The following CEP41 variants were observed in gnomAD, a reference collection of about 807,000 sequenced individuals.
CEP41 encodes the protein centrosomal protein of 41 kDa.
Under a neutral mutation model 44.3 loss-of-function variants are expected in CEP41, and 32 were observed. That is an observed-to-expected ratio of 0.72 (90% CI 0.54 to 0.97). The LOEUF is 0.97. Ranked by LOEUF, CEP41 falls within the 50% of genes least tolerant of loss-of-function variation. The pLI is 0.00. For synonymous variants in CEP41, 151 were observed against 168.5 expected (o/e 0.90, Z 0.80); for missense variants, 432 against 455.2 (o/e 0.95, Z 0.46).
At chr7:130,431,349 A>G (rs1255349134) in intron 1 of CEP41, among the ~76,000 whole-genome samples, 1 of 152,196 alleles carries the variant, frequency 6.6e-6, no homozygotes, top group African/African-American at 2.4e-5. Flanking sequence ...AGACTTATTG[A>G]GCACCAACCA....
chr7:130,440,819 C>T, intron 1 of CEP41, 115 bp downstream of exon 1: 1 of 1,126,870 alleles, frequency 8.9e-7, no homozygotes, highest in Non-Finnish European at 1.3e-6. Context: ...CTCCTCACGC[C>T]GGCCCCTTCC....
intron 1 of CEP41, among the ~76,000 whole-genome samples, chr7:130,436,844 C>G (rs184285575): frequency 7.6e-4 from 116 of 152,112 alleles, no homozygotes; most frequent in African/African-American, 2.6e-3. Context: ...CAAGACCAGC[C>G]TGACCAACAT....
intron 9 of CEP41, 24 bp from the exon 10 acceptor site, chr7:130,400,278 A>G: frequency 6.4e-7 from 1 of 1,569,566 alleles, no homozygotes; most frequent in Non-Finnish European, 8.8e-7. Context: ...ATCATCAGAA[A>G]AAGCTGCATT....
rs782254159 is a variant in CEP41, at chr7:130,397,740, C to G, written c.*1151G>C. Reference sequence around the variant, plus strand: ...TGATTTCAGAGTTCCTCATCCTTACCTGAGGCCTTTTGTTCCCCCAATTAA... The same window carrying G: ...TGATTTCAGAGTTCCTCATCCTTACGTGAGGCCTTTTGTTCCCCCAATTAA... On this transcript the variant is annotated 3_prime_UTR_variant, in exon 11 of 11. Transcript: ENST00000223208. The G allele has an allele frequency of 2.2e-6, 1 of 452,764 alleles. No individual in the cohort carries two copies. The highest frequency in any genetic ancestry group is 1.6e-5 in the South Asian group (1 of 64,112). 28.0% of individuals were successfully genotyped at this position (452,764 alleles called of 1,614,324 possible).
intron 3 of CEP41, among the ~76,000 whole-genome samples, chr7:130,415,347 T>C (rs1193299569): frequency 2.6e-5 from 4 of 151,822 alleles, no homozygotes; most frequent in African/African-American, 9.7e-5. Flanking sequence ...CAACAGAAAA[T>C]GGGGAAAGAG....
At chr7:130,417,092 G>A in intron 2 of CEP41, 126 bp from the exon 3 acceptor site, 1 of 1,391,364 alleles carries the variant, frequency 7.2e-7, no homozygotes, top group Non-Finnish European at 9.9e-7. Flanking sequence ...ATTCTGGACA[G>A]CAGCAAACAG....
chr7:130,420,452 C>G (rs1308556531), intron 2 of CEP41: 4 of 151,386 alleles, frequency 2.6e-5, no homozygotes, highest in African/African-American at 9.7e-5. Context: ...CTGGCCAACA[C>G]AGTGAGAGCC....
intron 4 of CEP41, 85 bp from the exon 5 acceptor site, chr7:130,411,276 A>C: frequency 9.6e-7 from 1 of 1,037,506 alleles, no homozygotes; most frequent in Non-Finnish European, 1.5e-6. Flanking sequence ...ACGAGGGAAC[A>C]ACAAACATCA....
At chr7:130,436,677 T>C (rs190780854) in intron 1 of CEP41, among the ~76,000 whole-genome samples, 69 of 151,564 alleles carry the variant, frequency 4.6e-4, no homozygotes, top group Middle Eastern at 6.8e-3. Context: ...TGTGAATCTA[T>C]ACTTATTTTG....
chr7:130,417,308 C>T lies in CEP41; in HGVS notation c.98-342G>A, dbSNP rs6977392. 3.4e-4 allele frequency: 372 copies of T among 1,106,116 alleles called. No individual in the cohort carries two copies. The African/African-American group carries it at 5.6e-3, about 17-fold the overall frequency. 68.5% of individuals were successfully genotyped at this position (1,106,116 alleles called of 1,614,324 possible). A position where few individuals can be genotyped will look rare whatever the true frequency, so the allele number is the denominator to read the frequency against. ...CTTTTATCTCCCCTGCCCCCGCTGA[C>T]GATCTTTTTGTGGGGAAGATACACA... On this transcript the variant is annotated intron_variant, in intron 2 of 10. Coordinates refer to ENST00000223208, the MANE Select transcript of CEP41 (RefSeq NM_018718.3).
rs180766575 is a variant in CEP41, at chr7:130,414,137, G to C, written c.146-1897C>G. 2.6e-3 allele frequency among the ~76,000 whole-genome samples: 392 copies of C among 152,238 alleles called. 1 individual carries two copies. Among genetic ancestry groups the C allele is most frequent in the Non-Finnish European group, 3.6e-3 (245 of 68,014 alleles). On this transcript the variant is annotated intron_variant, in intron 3 of 10. Coordinates refer to ENST00000223208, the MANE Select transcript of CEP41 (RefSeq NM_018718.3). ...AACTAGCCTTCTGTAAATATATCAA[G>C]GCTTTTTAAAAATAGGGAATTAAAC...
Position 130,398,132 on chromosome 7 carries a change from A to AG in CEP41, c.*758dup. 1 of 454,006 alleles carries AG rather than the reference A, an allele frequency of 2.2e-6. No homozygotes were observed. Among genetic ancestry groups the AG allele is most frequent in the Non-Finnish European group, 4.4e-6 (1 of 226,696 alleles). The allele number at this position is 454,006 out of a possible 1,614,324, so 28.1% of individuals were successfully genotyped here. ...GTGAGGGCCGCTTTGGTGGGCTTCA[A>AG]GGGGCACAGGCCGGTGTGGTGGCCA... On this transcript the variant is annotated 3_prime_UTR_variant, in exon 11 of 11. Transcript: ENST00000223208.
At chr7:130,441,159 A>G (rs1200036587), upstream of CEP41, 3 of 711,190 alleles carry the variant, frequency 4.2e-6, no homozygotes, top group African/African-American at 1.7e-5. Flanking sequence ...ACGCCGCTCA[A>G]TGGTTGCCAA....
chr7:130,407,419 T>C (rs1489478155), intron 5 of CEP41, among the ~76,000 whole-genome samples: 1 of 152,018 alleles, frequency 6.6e-6, no homozygotes, highest in Non-Finnish European at 1.5e-5. Flanking sequence ...TATATGTATA[T>C]ACATACATAA....
Position 130,419,273 on chromosome 7 carries a change from A to G in CEP41, c.98-2307T>C, listed in dbSNP as rs1453766070. 4.1e-6 allele frequency: 4 copies of G among 985,352 alleles called. No homozygotes were observed. The African/African-American group carries it at 7.0e-5, about 17-fold the overall frequency. The allele number at this position is 985,352 out of a possible 1,614,324, so 61.0% of individuals were successfully genotyped here. A position where few individuals can be genotyped will look rare whatever the true frequency, so the allele number is the denominator to read the frequency against. On this transcript the variant is annotated intron_variant, in intron 2 of 10. Coordinates refer to ENST00000223208, the MANE Select transcript of CEP41 (RefSeq NM_018718.3). ...CATTCATTCTATCCAAGAATGGGGA[A>G]AAAAGGAGAATGGAGGATTTCTTCC...
intron 5 of CEP41, among the ~76,000 whole-genome samples, chr7:130,410,321 G>T (rs954615462): frequency 1.3e-5 from 2 of 152,004 alleles, no homozygotes; most frequent in Admixed American, 6.6e-5. Flanking sequence ...GGCACTGGGC[G>T]TGAGGCACCG....
intron 1 of CEP41, among the ~76,000 whole-genome samples, chr7:130,428,852 G>A (rs560840130): frequency 2.6e-5 from 4 of 151,650 alleles, no homozygotes; most frequent in East Asian, 1.9e-4. Context: ...CGGAGGTTGC[G>A]GTGAGCGGAG....
chr7:130,400,280 A>G, intron 9 of CEP41, 26 bp from the exon 10 acceptor site: 2 of 1,565,416 alleles, frequency 1.3e-6, no homozygotes, highest in Non-Finnish European at 1.8e-6. Flanking sequence ...CATCAGAAAA[A>G]GCTGCATTAA....
At position 130,400,186 on chromosome 7, in the gene CEP41, G is replaced by C. The variant is rs782815662; in HGVS notation, c.826C>G (p.Gln276Glu). Residue 276 changes from glutamine to glutamate, a missense_variant, in exon 10 of 11, where the codon CAG (glutamine) becomes GAG (glutamate). Gln to Glu is a conservative substitution (Grantham distance 29). Coordinates refer to ENST00000223208, the MANE Select transcript of CEP41 (RefSeq NM_018718.3). ...CGGGCAGACCCAGGAGGAAGGGCCT[G>C]CTGGCAAGATGCTGGCAGGGAACCA... The part of the protein sequence containing the change: ...ITGSLPASCQ[Q>E]ALPPGSARKR... The C allele has an allele frequency of 5.0e-6, 8 of 1,613,840 alleles. No individual in the cohort carries two copies. Among genetic ancestry groups the C allele is most frequent in the Non-Finnish European group, 6.8e-6 (8 of 1,179,904 alleles).
Sources: gnomAD v4.1 joint callset for allele counts (sites outside exome capture counted in the v4.1 genomes callset) on GRCh38, gnomAD v4.1.1 for gene constraint, MANE v1.5 for transcripts, NCBI Gene and HGNC (gene_info 2026-07-23, HGNC 2026-07-21) for gene names.